The following UNC5D variants were observed in gnomAD, a reference collection of about 807,000 sequenced individuals.
UNC5D encodes the protein unc-5 netrin receptor D.
Under a neutral mutation model 105.4 loss-of-function variants are expected in UNC5D, and 39 were observed. The ratio of observed to expected loss-of-function variants is 0.37; its 90% confidence interval spans 0.29 to 0.48. The LOEUF is 0.48. Ranked by LOEUF, UNC5D falls within the 20% of genes least tolerant of loss-of-function variation. The pLI is 0.98. For missense variants in UNC5D, 991 were observed against 1,202.4 expected (o/e 0.82, Z 2.60); for synonymous variants, 452 against 450.4 (o/e 1.00, Z -0.04).
chr8:35,291,536 G>GA (rs1585510329), intron 1 of UNC5D, among the ~76,000 whole-genome samples: 1 of 152,178 alleles, frequency 6.6e-6, no homozygotes, highest in Non-Finnish European at 1.5e-5. Flanking sequence ...TTTTGCAGTA[G>GA]AAAAAAACTG....
intron 4 of UNC5D, among the ~76,000 whole-genome samples, chr8:35,653,027 T>G (rs1193039055): frequency 6.6e-6 from 1 of 151,420 alleles, no homozygotes; most frequent in Non-Finnish European, 1.5e-5. Context: ...CCTCCCAGTT[T>G]CAAGTGATTT....
At chr8:35,688,039 A>G (rs1826139340) in intron 7 of UNC5D, among the ~76,000 whole-genome samples, 1 of 151,736 alleles carries the variant, frequency 6.6e-6, no homozygotes, top group Non-Finnish European at 1.5e-5. Flanking sequence ...GGTTGAAGCA[A>G]GAGAATGGCG....
chr8:35,758,473 A>T (rs930052246), intron 13 of UNC5D, among the ~76,000 whole-genome samples: 1 of 152,090 alleles, frequency 6.6e-6, no homozygotes, highest in African/African-American at 2.4e-5. Context: ...ACTTAGGGAG[A>T]TCTCTTATAT....
intron 1 of UNC5D, among the ~76,000 whole-genome samples, chr8:35,375,847 C>T (rs992724141): frequency 2.0e-5 from 3 of 152,110 alleles, no homozygotes; most frequent in African/African-American, 7.2e-5. Context: ...GAGCCCAGGG[C>T]AGTGCTTGGA....
intron 1 of UNC5D, among the ~76,000 whole-genome samples, chr8:35,430,105 A>G (rs1245374885): frequency 6.6e-6 from 1 of 152,000 alleles, no homozygotes; most frequent in Non-Finnish European, 1.5e-5. Context: ...CAGGATGGTG[A>G]CTGGTCACTA....
intron 1 of UNC5D, among the ~76,000 whole-genome samples, chr8:35,500,622 T>G (rs1293621084): frequency 6.6e-6 from 1 of 152,234 alleles, no homozygotes; most frequent in Non-Finnish European, 1.5e-5. Context: ...ACCATATTTA[T>G]GCTACTCGTC....
intron 1 of UNC5D, among the ~76,000 whole-genome samples, chr8:35,262,747 A>G (rs1804577436): frequency 6.6e-6 from 1 of 152,202 alleles, no homozygotes. Flanking sequence ...GATGCTTAAA[A>G]TAATTAAAAT....
chr8:35,595,568 T>C lies in UNC5D; in HGVS notation c.481T>C (p.Phe161Leu). The C allele has an allele frequency of 1.2e-6, 2 of 1,614,008 alleles. No individual in the cohort carries two copies. Among genetic ancestry groups the C allele is most frequent in the Non-Finnish European group, 1.7e-6 (2 of 1,179,952 alleles). ...SVRIAYLRKN[F>L]EQDPQGREVP... ...CTTCTTTGCAGATTTACGGAAAAAC[T>C]TTGAACAAGACCCACAAGGAAGGGA... The change falls in exon 4 of 17, where the codon TTT (phenylalanine) becomes CTT (leucine). Residue 161 changes from phenylalanine (F) to leucine (L), a missense_variant. Phe to Leu is a conservative substitution (Grantham distance 22). This residue lies in a region of UNC5D where 944 missense variants were observed against 1,131.6 expected (regional missense o/e 0.83). Coordinates refer to ENST00000404895, the MANE Select transcript of UNC5D (RefSeq NM_080872.4).
intron 1 of UNC5D, among the ~76,000 whole-genome samples, chr8:35,311,133 G>GGAGAGAAAGGGGGAT (rs1808847771): frequency 6.6e-6 from 1 of 152,146 alleles, no homozygotes; most frequent in Admixed American, 6.5e-5. Flanking sequence ...TAAAAGGAGA[G>GGAGAGAAAGGGGGAT]GAGAGAAAGG....
At position 35,750,666 on chromosome 8, in the gene UNC5D, G is replaced by A. The variant is rs1439408511; in HGVS notation, c.2020G>A (p.Gly674Arg). The A allele has an allele frequency of 6.2e-7, 1 of 1,614,080 alleles. No individual in the cohort carries two copies. Among genetic ancestry groups the A allele is most frequent in the South Asian group, 1.1e-5 (1 of 91,076 alleles). ...FACHVLLDSF[G>R]TYALTGEPIT... is the part of the protein sequence containing the mutation. The stretch of plus-strand genomic sequence containing the variant: ...GTGTCATGTGCTCCTGGACAGCTTT[G>A]GGACCTATGCGCTCACTGGAGAGCC... Residue 674 changes from glycine to arginine, a missense_variant, in exon 13 of 17, where the codon GGG (glycine) becomes AGG (arginine). Around this residue, in one of 3 missense-constraint regions of UNC5D, gnomAD observed 944 missense variants for 1,131.6 expected, o/e 0.83. Transcript: ENST00000404895.
chr8:35,356,919 C>A (rs1801588461), intron 1 of UNC5D, among the ~76,000 whole-genome samples: 1 of 152,042 alleles, frequency 6.6e-6, no homozygotes, highest in African/African-American at 2.4e-5. Flanking sequence ...ACTGGGATGG[C>A]ATGAGATTTT....
chr8:35,430,675 C>T (rs536427982), intron 1 of UNC5D, among the ~76,000 whole-genome samples: 50 of 152,266 alleles, frequency 3.3e-4, no homozygotes, highest in African/African-American at 1.0e-3. Context: ...CTCTGTAGAA[C>T]TGATTGCTCA....
chr8:35,707,781 C>T (rs191084942), intron 8 of UNC5D, among the ~76,000 whole-genome samples: 106 of 152,236 alleles, frequency 7.0e-4, no homozygotes, highest in African/African-American at 2.2e-3. Flanking sequence ...GCATAAACCC[C>T]GCAGAAGCCA....
chr8:35,691,202 C>A (rs960326745), intron 7 of UNC5D, among the ~76,000 whole-genome samples: 1 of 152,234 alleles, frequency 6.6e-6, no homozygotes, highest in African/African-American at 2.4e-5. Context: ...AAAATAAATA[C>A]GGCTGGCACA....
Position 35,549,437 on chromosome 8 carries a change from A to T in UNC5D, c.249A>T (p.Ile83=), listed in dbSNP as rs1346647432. The change falls in exon 2 of 17, where the codon ATA becomes ATT. Residue 83 remains isoleucine (I), a synonymous_variant. Coordinates refer to ENST00000404895, the MANE Select transcript of UNC5D (RefSeq NM_080872.4). The stretch of plus-strand genomic sequence containing the variant: ...GCAAAGCGAGGCCAGCCATGCAGAT[A>T]TTCTTCAAATGCAACGGCGAGTGGG... ...LRCKARPAMQ[I]FFKCNGEWVH... 6.2e-7 allele frequency: 1 copy of T among 1,612,944 alleles called. No individual in the cohort carries two copies. Among genetic ancestry groups the T allele is most frequent in the East Asian group, 2.2e-5 (1 of 44,900 alleles).
At chr8:35,534,266 C>T (rs1183791828) in intron 1 of UNC5D, among the ~76,000 whole-genome samples, 1 of 152,072 alleles carries the variant, frequency 6.6e-6, no homozygotes, top group Admixed American at 6.5e-5. Flanking sequence ...TGTCAGCTTT[C>T]TCTGACACTG....
intron 4 of UNC5D, among the ~76,000 whole-genome samples, chr8:35,607,519 T>C (rs1029462347): frequency 6.6e-6 from 1 of 152,138 alleles, no homozygotes; most frequent in Non-Finnish European, 1.5e-5. Flanking sequence ...GTGCTTTGTG[T>C]CGTCATCCAA....
At chr8:35,282,036 G>A (rs1252994891) in intron 1 of UNC5D, among the ~76,000 whole-genome samples, 2 of 152,146 alleles carry the variant, frequency 1.3e-5, no homozygotes, top group Non-Finnish European at 2.9e-5. Flanking sequence ...CAGCTAAGCC[G>A]GATTCAGCTG....
intron 1 of UNC5D, among the ~76,000 whole-genome samples, chr8:35,493,167 T>C (rs1811321118): frequency 6.6e-6 from 1 of 150,992 alleles, no homozygotes; most frequent in Admixed American, 6.7e-5. Flanking sequence ...TCAGCATGCC[T>C]AAGCACTTTA....
Sources: allele counts gnomAD v4.1 joint callset (sites outside exome capture counted in the v4.1 genomes callset), GRCh38; gene constraint gnomAD v4.1.1; regional missense constraint gnomAD v4.1.1; transcripts MANE v1.5; gene names NCBI Gene and HGNC (gene_info 2026-07-23, HGNC 2026-07-21).